The following ST3GAL3 variants were observed in gnomAD, a reference collection of about 807,000 sequenced individuals.
ST3GAL3 encodes the protein CMP-N-acetylneuraminate-beta-1,4-galactoside alpha-2,3-sialyltransferase.
A neutral mutation model predicts 50.1 loss-of-function variants in ST3GAL3; 21 were observed. That is an observed-to-expected ratio of 0.42 (90% CI 0.30 to 0.60). ST3GAL3 has a LOEUF of 0.60. ST3GAL3 is among the 20% of genes least tolerant of loss of function. The pLI, the probability that ST3GAL3 is intolerant of heterozygous loss-of-function variation, is 0.19. For synonymous variants in ST3GAL3, 183 were observed against 190.0 expected (o/e 0.96, Z 0.30); for missense variants, 353 against 489.4 (o/e 0.72, Z 2.63).
At chr1:43,807,998 G>T (rs1443914017) in intron 3 of ST3GAL3, among the ~76,000 whole-genome samples, 1 of 152,070 alleles carries the variant, frequency 6.6e-6, no homozygotes, top group Non-Finnish European at 1.5e-5. Context: ...CCAGGAAGCA[G>T]CTGGATATAC....
intron 9 of ST3GAL3, chr1:43,914,108 A>G (rs1032741241): frequency 6.6e-6 from 1 of 152,256 alleles, no homozygotes; most frequent in Admixed American, 6.5e-5. Flanking sequence ...CCTCCCCATC[A>G]GATCGCCAAG....
At chr1:43,891,331 A>C (rs561528517) in intron 5 of ST3GAL3, among the ~76,000 whole-genome samples, 65 of 152,350 alleles carry the variant, frequency 4.3e-4, no homozygotes, top group Non-Finnish European at 7.5e-4. Flanking sequence ...GCACTTTGGG[A>C]GGCCAAGGCG....
At chr1:43,851,448 T>G in intron 5 of ST3GAL3, 3 of 1,610,700 alleles carry the variant, frequency 1.9e-6, no homozygotes, top group Non-Finnish European at 2.5e-6. Flanking sequence ...GGCTCGCTTC[T>G]GACAGAGGGT....
At chr1:43,785,992 A>G (rs978246968) in intron 2 of ST3GAL3, among the ~76,000 whole-genome samples, 3 of 152,084 alleles carry the variant, frequency 2.0e-5, no homozygotes, top group Non-Finnish European at 2.9e-5. Context: ...CAGTCACTAC[A>G]TCCTGAAGTT....
In ST3GAL3 at chr1:43,815,676, C is replaced by T. The variant is rs138948409; in HGVS notation, c.209+743C>T. Among the ~76,000 whole-genome samples, 4 of 152,240 alleles carry T rather than the reference C, an allele frequency of 2.6e-5. No individual in the cohort carries two copies. The East Asian group carries it at 7.7e-4, about 29-fold the overall frequency. On this transcript the variant is annotated intron_variant, in intron 4 of 11. Transcript: ENST00000347631. The stretch of plus-strand genomic sequence containing the variant: ...CAAGCTACTTAACCACTCTGAGCCT[C>T]AGTTTCATCTGTAAGATGATGACAA...
At chr1:43,867,202 C>T (rs1174745406) in intron 5 of ST3GAL3, among the ~76,000 whole-genome samples, 2 of 152,156 alleles carry the variant, frequency 1.3e-5, no homozygotes, top group Non-Finnish European at 2.9e-5. Context: ...AGACCCACCC[C>T]TATAATTCAA....
intron 5 of ST3GAL3, among the ~76,000 whole-genome samples, chr1:43,865,705 C>T (rs947673679): frequency 6.6e-6 from 1 of 152,112 alleles, no homozygotes; most frequent in South Asian, 2.1e-4. Flanking sequence ...GGCTTTTTTC[C>T]TAAGGTAGAT....
Position 43,734,297 on chromosome 1 carries a change from C to CTTTTTTTTTTTTTTTTTTTTTT in ST3GAL3, c.-30-1926_-30-1925insTTTTTTTTTTTTTTTTTTTTTT, listed in dbSNP as rs751937263. On this transcript the variant is annotated intron_variant, in intron 1 of 11. Coordinates refer to ENST00000347631, the MANE Select transcript of ST3GAL3 (RefSeq NM_006279.5). ...TTTCTTCTCTTTCTTTCTTCTTCTT[C>CTTTTTTTTTTTTTTTTTTTTTT]TTTTTTTTTTGTTTTTTTTTTTTTT... Among the ~76,000 whole-genome samples, 64 of 114,438 alleles carry CTTTTTTTTTTTTTTTTTTTTTT rather than the reference C, an allele frequency of 5.6e-4. 6 individuals carry two copies. The highest frequency in any genetic ancestry group is 9.6e-4 in the Non-Finnish European group (54 of 56,374). 75.1% of individuals were successfully genotyped at this position (114,438 alleles called of 152,430 possible). A position where few individuals can be genotyped will look rare whatever the true frequency, so the allele number is the denominator to read the frequency against.
At chr1:43,870,096 C>T (rs2072298112) in intron 5 of ST3GAL3, among the ~76,000 whole-genome samples, 1 of 152,220 alleles carries the variant, frequency 6.6e-6, no homozygotes, top group Non-Finnish European at 1.5e-5. Context: ...AAATCAGAGG[C>T]TCAAACATGG....
At chr1:43,881,855 C>G (rs552111099) in intron 5 of ST3GAL3, among the ~76,000 whole-genome samples, 60 of 152,308 alleles carry the variant, frequency 3.9e-4, no homozygotes, top group African/African-American at 1.4e-3. Context: ...ACAGGGAGAT[C>G]AAAGTGTCCA....
intron 2 of ST3GAL3, among the ~76,000 whole-genome samples, chr1:43,752,887 A>G (rs1686703619): frequency 6.6e-6 from 1 of 152,230 alleles, no homozygotes; most frequent in Non-Finnish European, 1.5e-5. Flanking sequence ...GATGATAGAG[A>G]TGGACTGTCT....
intron 5 of ST3GAL3, chr1:43,858,450 CAT>C: frequency 1.9e-5 from 13 of 692,712 alleles, no homozygotes; most frequent in Non-Finnish European, 2.4e-5. Flanking sequence ...AGGCTGGCTG[CAT>C]TCCTGTGGTA....
intron 1 of ST3GAL3, among the ~76,000 whole-genome samples, chr1:43,730,562 CTTTTCTTTCTTTTTT>C (rs1474012383): frequency 1.1e-3 from 159 of 139,928 alleles, no homozygotes; most frequent in Non-Finnish European, 1.3e-3. Context: ...TCTTTCTTTT[CTTTTCTTTCTTTTTT>C]TTTTTTTTTT....
At chr1:43,858,111 C>T (rs768498248) in intron 5 of ST3GAL3, 1 of 1,289,282 alleles carries the variant, frequency 7.8e-7, no homozygotes, top group South Asian at 1.2e-5. Flanking sequence ...CCTCACCTTC[C>T]TCATCTGTAC....
chr1:43,831,383 AG>A (rs2063522678), intron 4 of ST3GAL3, among the ~76,000 whole-genome samples: 1 of 152,226 alleles, frequency 6.6e-6, no homozygotes, highest in Non-Finnish European at 1.5e-5. Flanking sequence ...TGACTTACTA[AG>A]GATTTAGAAC....
chr1:43,771,954 G>A (rs72886823), intron 2 of ST3GAL3: 8,896 of 398,176 alleles, frequency 0.022, 661 homozygotes, highest in African/African-American at 0.16. Flanking sequence ...TCAGGAGCAT[G>A]GAAGTTAAAA....
chr1:43,809,793 G>A (rs939153235), intron 3 of ST3GAL3, among the ~76,000 whole-genome samples: 8 of 151,906 alleles, frequency 5.3e-5, no homozygotes, highest in Admixed American at 1.3e-4. Context: ...TCAGGAGTTC[G>A]AGACCAGCCT....
Position 43,917,488 on chromosome 1 carries a change from TAATATATATAA to T in ST3GAL3, c.745-2915_745-2905del, listed in dbSNP as rs1557533929. ...TATAATATATAATATATATAATATA[TAATATATATAA>T]TATATTATATAATATAATATATATT... On this transcript the variant is annotated intron_variant, in intron 9 of 11. Transcript: ENST00000347631. 5.0e-4 allele frequency among the ~76,000 whole-genome samples: 22 copies of T among 43,810 alleles called. No homozygotes were observed. The East Asian group carries it at 0.011, about 21-fold the overall frequency. The allele number at this position is 43,810 out of a possible 152,430, so 28.7% of individuals were successfully genotyped here.
intron 3 of ST3GAL3, among the ~76,000 whole-genome samples, chr1:43,803,479 C>T (rs564982813): frequency 3.0e-4 from 45 of 152,116 alleles, no homozygotes; most frequent in South Asian, 1.0e-3. Flanking sequence ...CTTCTGAATT[C>T]TCACAGACTT....
Sources: gnomAD v4.1 joint callset for allele counts (sites outside exome capture counted in the v4.1 genomes callset) on GRCh38, gnomAD v4.1.1 for gene constraint, MANE v1.5 for transcripts, NCBI Gene and HGNC (gene_info 2026-07-23, HGNC 2026-07-21) for gene names.